Variants in RAD51B observed in about 807,000 individuals in gnomAD.
The protein encoded by RAD51B is RAD51 paralog B.
Under a neutral mutation model 42.2 loss-of-function variants are expected in RAD51B, and 38 were observed. The observed-to-expected ratio is 0.90, with a 90% CI of 0.70 to 1.18. The LOEUF is 1.18. Among genes scored for constraint, RAD51B ranks in the 50% most tolerant of loss-of-function variants. The probability of loss-of-function intolerance (pLI) is 0.00; values close to 1 mark genes in which losing one functional copy is unlikely to be tolerated. For missense variants in RAD51B, 373 were observed against 400.7 expected (o/e 0.93, Z 0.59); for synonymous variants, 154 against 145.2 (o/e 1.06, Z -0.43).
chr14:68,337,506 T>C (rs1370442561), intron 8 of RAD51B, among the ~76,000 whole-genome samples: 2 of 152,240 alleles, frequency 1.3e-5, no homozygotes. Flanking sequence ...TTCTTCCCTA[T>C]TGGCATGGTT....
At chr14:68,614,627 G>A (rs1398219467), downstream of RAD51B, among the ~76,000 whole-genome samples, 1 of 152,144 alleles carries the variant, frequency 6.6e-6, no homozygotes, top group Non-Finnish European at 1.5e-5. Flanking sequence ...GACCTTTTGT[G>A]TTTGGCTTCT....
intron 8 of RAD51B, among the ~76,000 whole-genome samples, chr14:68,377,857 A>C (rs1265269177): frequency 2.0e-5 from 3 of 152,216 alleles, no homozygotes; most frequent in Non-Finnish European, 4.4e-5. Context: ...GCACTTCTCA[A>C]ATTGGGAGCT....
At chr14:67,971,769 A>G (rs372210405) in intron 7 of RAD51B, among the ~76,000 whole-genome samples, 3 of 151,992 alleles carry the variant, frequency 2.0e-5, no homozygotes, top group African/African-American at 4.8e-5. Flanking sequence ...TCCAACTACT[A>G]TGTAAGCACC....
intron 7 of RAD51B, among the ~76,000 whole-genome samples, chr14:67,969,153 C>T (rs897426690): frequency 2.0e-5 from 3 of 152,150 alleles, no homozygotes; most frequent in Admixed American, 2.0e-4. Context: ...GGGTCTCTCC[C>T]ACAACGTGTA....
chr14:67,844,202 G>T (rs1221335804), intron 4 of RAD51B, among the ~76,000 whole-genome samples: 3 of 150,576 alleles, frequency 2.0e-5, no homozygotes, highest in Admixed American at 6.6e-5. Flanking sequence ...ATTGTGTTAT[G>T]GTCCAAGAGT....
chr14:68,082,255 C>T (rs767546465), intron 7 of RAD51B, among the ~76,000 whole-genome samples: 32 of 152,076 alleles, frequency 2.1e-4, no homozygotes, highest in African/African-American at 4.8e-4. Context: ...CCACTGCGCC[C>T]GGCCGCAAAT....
intron 7 of RAD51B, among the ~76,000 whole-genome samples, chr14:68,170,061 G>A (rs781030993): frequency 9.9e-5 from 15 of 152,126 alleles, no homozygotes; most frequent in Non-Finnish European, 2.1e-4. Flanking sequence ...TAATGATTGT[G>A]AAGTCCAGTT....
intron 7 of RAD51B, among the ~76,000 whole-genome samples, chr14:67,932,812 C>T (rs1330637101): frequency 3.3e-5 from 5 of 152,208 alleles, no homozygotes; most frequent in Non-Finnish European, 5.9e-5. Context: ...CCCATGTTCA[C>T]GTATGAGTCT....
At chr14:68,614,866 G>A (rs118183528), downstream of RAD51B, among the ~76,000 whole-genome samples, 32 of 152,276 alleles carry the variant, frequency 2.1e-4, 1 homozygote, top group East Asian at 6.2e-3. Flanking sequence ...ATACTCTTGG[G>A]TACATACCTA....
chr14:68,610,707 A>G (rs1891641674), intron 10 of RAD51B, among the ~76,000 whole-genome samples: 2 of 152,056 alleles, frequency 1.3e-5, no homozygotes, highest in Admixed American at 6.5e-5. Flanking sequence ...TGTTCTTTAC[A>G]TCCATTTCCA....
At chr14:68,416,903 T>G (rs2084574480) in intron 9 of RAD51B, among the ~76,000 whole-genome samples, 1 of 152,128 alleles carries the variant, frequency 6.6e-6, no homozygotes, top group African/African-American at 2.4e-5. Context: ...AAATCTTTGT[T>G]GCTATCTTCT....
intron 1 of RAD51B, among the ~76,000 whole-genome samples, chr14:67,823,336 C>A (rs941355957): frequency 2.0e-5 from 3 of 152,144 alleles, no homozygotes; most frequent in African/African-American, 7.2e-5. Context: ...GCCTGTTTGA[C>A]GAACAATTGT....
chr14:68,127,142 A>G (rs989564007), intron 7 of RAD51B, among the ~76,000 whole-genome samples: 72 of 152,080 alleles, frequency 4.7e-4, no homozygotes, highest in African/African-American at 1.6e-3. Flanking sequence ...ATATTTTTTC[A>G]TCTCTCTCCC....
intron 9 of RAD51B, chr14:68,422,163 C>G (rs964443421): frequency 2.3e-6 from 3 of 1,296,702 alleles, no homozygotes. Context: ...TCGCTGTCGA[C>G]GGCAAATTCA....
chr14:68,640,708 G>T (rs1005356949), intron 10 of RAD51B, among the ~76,000 whole-genome samples: 8 of 152,214 alleles, frequency 5.3e-5, no homozygotes, highest in African/African-American at 1.9e-4. Flanking sequence ...AGTTCACCAA[G>T]GGATGGGCTG....
rs867043506 is a variant in RAD51B at position 68,258,443 on chromosome 14, T to A, written c.757-33441T>A. Among the ~76,000 whole-genome samples the A allele has an allele frequency of 3.7e-3, 551 of 150,096 alleles. 4 individuals are homozygous for A. Among genetic ancestry groups the A allele is most frequent in the African/African-American group, 0.012 (488 of 40,534 alleles). The stretch of plus-strand genomic sequence containing the variant: ...CACACACACACACACTCTCTCTCTC[T>A]CACACACACACACACAATTTGAAAC... On this transcript the variant is annotated intron_variant, in intron 7 of 10. Coordinates refer to ENST00000471583, the MANE Select transcript of RAD51B (RefSeq NM_133510.4).
intron 7 of RAD51B, among the ~76,000 whole-genome samples, chr14:67,971,290 A>G (rs1386994991): frequency 6.6e-6 from 1 of 152,092 alleles, no homozygotes; most frequent in Non-Finnish European, 1.5e-5. Flanking sequence ...TAAATTTGTT[A>G]TACTTCTTAT....
chr14:68,595,267 A>G lies in RAD51B; in HGVS notation c.*664A>G, dbSNP rs963537226. 1.1e-5 allele frequency: 12 copies of G among 1,062,518 alleles called. No homozygotes were observed. In the Admixed American group the frequency reaches 5.3e-4, roughly 47 times the overall value. The allele number at this position is 1,062,518 out of a possible 1,614,324, so 65.8% of individuals were successfully genotyped here. ...GGAATACATGCTTCCAGTTGCTTCT[A>G]CAGGTTTACCTTGCTAAAGGCATTT... On this transcript the variant is annotated 3_prime_UTR_variant, in exon 11 of 11. Coordinates refer to the RAD51B transcript ENST00000487270.
chr14:68,595,510 GA>G (rs1890955217), exon 11 of RAD51B: 2 of 1,066,524 alleles, frequency 1.9e-6, no homozygotes, highest in South Asian at 9.1e-5. Context: ...CTTGTGTTTG[GA>G]GCAAGGGTTG....
Sources: allele counts gnomAD v4.1 joint callset (sites outside exome capture counted in the v4.1 genomes callset), GRCh38; gene constraint gnomAD v4.1.1; transcripts MANE v1.5; gene names NCBI Gene and HGNC (gene_info 2026-07-23, HGNC 2026-07-21).